PRKCA: variants seen among roughly 807,000 people sequenced by gnomAD.
PRKCA encodes protein kinase C alpha type.
Under a neutral mutation model 87.0 loss-of-function variants are expected in PRKCA, and 27 were observed. That is an observed-to-expected ratio of 0.31 (90% CI 0.23 to 0.43). PRKCA has a LOEUF of 0.43. Ranked by LOEUF, PRKCA falls within the 20% of genes least tolerant of loss-of-function variation. PRKCA has a pLI of 1.00. For missense variants in PRKCA, 518 were observed against 852.3 expected (o/e 0.61, Z 4.88); for synonymous variants, 329 against 311.1 (o/e 1.06, Z -0.61).
At chr17:66,611,276 A>G (rs227913) in intron 3 of PRKCA, among the ~76,000 whole-genome samples, 1 of 151,976 alleles carries the variant, frequency 6.6e-6, no homozygotes, top group Admixed American at 6.6e-5. Flanking sequence ...TACAAATGCT[A>G]CCATAATCTA....
intron 3 of PRKCA, among the ~76,000 whole-genome samples, chr17:66,563,388 C>T (rs1308846233): frequency 6.6e-6 from 1 of 152,152 alleles, no homozygotes; most frequent in African/African-American, 2.4e-5. Flanking sequence ...ATAGTTTTTC[C>T]TTTTCTGGAA....
At chr17:66,698,318 A>T (rs1232221958) in intron 8 of PRKCA, among the ~76,000 whole-genome samples, 3 of 152,242 alleles carry the variant, frequency 2.0e-5, no homozygotes, top group African/African-American at 7.2e-5. Flanking sequence ...AATTGTTTTA[A>T]GGAAGCTCAG....
chr17:66,358,856 A>T (rs539877812), intron 2 of PRKCA, among the ~76,000 whole-genome samples: 1 of 151,686 alleles, frequency 6.6e-6, no homozygotes, highest in African/African-American at 2.4e-5. Flanking sequence ...CTTGATTTCT[A>T]TGGTTACATA....
At chr17:66,385,613 G>A (rs1390921419) in intron 2 of PRKCA, among the ~76,000 whole-genome samples, 1 of 152,160 alleles carries the variant, frequency 6.6e-6, no homozygotes, top group Non-Finnish European at 1.5e-5. Context: ...TGGAATCCCA[G>A]CACTTTGAGA....
In PRKCA at chr17:66,700,831, G is replaced by A. The variant is rs969514103; in HGVS notation, c.918+11784G>A. Among the ~76,000 whole-genome samples the A allele has an allele frequency of 7.9e-5, 12 of 152,174 alleles. No individual in the cohort carries two copies. In the East Asian group the frequency reaches 2.1e-3, roughly 27 times the overall value. On this transcript the variant is annotated intron_variant, in intron 8 of 16. Coordinates refer to ENST00000413366, the MANE Select transcript of PRKCA (RefSeq NM_002737.3). ...AAATGGGAAGATATCGCCTGTTCCT[G>A]GATTGGAAGAATTAATATTGTCAAA...
chr17:66,305,341 G>A (rs1270191633), intron 1 of PRKCA, among the ~76,000 whole-genome samples: 1 of 152,182 alleles, frequency 6.6e-6, no homozygotes, highest in Admixed American at 6.5e-5. Flanking sequence ...AACATTCTAT[G>A]TGAAGCAAGA....
At chr17:66,536,053 T>C (rs1272808854) in intron 3 of PRKCA, among the ~76,000 whole-genome samples, 1 of 152,220 alleles carries the variant, frequency 6.6e-6, no homozygotes, top group Non-Finnish European at 1.5e-5. Context: ...TACTCATAAT[T>C]TCTGTTTCTT....
intron 2 of PRKCA, among the ~76,000 whole-genome samples, chr17:66,375,991 C>T (rs1909395375): frequency 6.6e-6 from 1 of 152,212 alleles, no homozygotes. Context: ...GATTTACAAT[C>T]TCAGCAAAGA....
intron 2 of PRKCA, among the ~76,000 whole-genome samples, chr17:66,387,508 T>G (rs2143619299): frequency 6.6e-6 from 1 of 152,324 alleles, no homozygotes; most frequent in Non-Finnish European, 1.5e-5. Flanking sequence ...TGGAGGCTCC[T>G]GATGGCTCAG....
chr17:66,321,571 C>T (rs1905663305), intron 2 of PRKCA, among the ~76,000 whole-genome samples: 1 of 152,062 alleles, frequency 6.6e-6, no homozygotes, highest in Non-Finnish European at 1.5e-5. Context: ...TTTTAGACAG[C>T]CTTGCTCTGT....
In PRKCA at chr17:66,807,584, A is replaced by T. The variant is rs996594385; in HGVS notation, c.*3547A>T. 6.6e-6 allele frequency: 1 copy of T among 152,248 alleles called. No individual in the cohort carries two copies. Among genetic ancestry groups the T allele is most frequent in the African/African-American group, 2.4e-5 (1 of 41,464 alleles). 9.4% of individuals were successfully genotyped at this position (152,248 alleles called of 1,614,324 possible). On this transcript the variant is annotated 3_prime_UTR_variant, in exon 17 of 17. Coordinates refer to ENST00000413366, the MANE Select transcript of PRKCA (RefSeq NM_002737.3). This position sits in a 1 kb window ranked among gnomAD's most constrained non-coding sequence, Gnocchi z 4.3. ...TCCACTGGCCTCGTGTGGTCCATGC[A>T]GGGCCACTGTCTGCCCTTTCTGATG...
In PRKCA at chr17:66,804,084, G is replaced by A. The variant is rs749367135; in HGVS notation, c.*47G>A. 1.1e-5 allele frequency: 18 copies of A among 1,573,100 alleles called. No individual in the cohort carries two copies. The highest frequency in any genetic ancestry group is 5.2e-5 in the Admixed American group (3 of 57,214). ...ACCTCCCCAGCCCCCAGCCCTCCCC[G>A]CAGTGGGAAGTGAATCCTTAACCCT... is the stretch of plus-strand genomic sequence containing the variant. On this transcript the variant is annotated 3_prime_UTR_variant, in exon 17 of 17. Coordinates refer to ENST00000413366, the MANE Select transcript of PRKCA (RefSeq NM_002737.3).
intron 13 of PRKCA, among the ~76,000 whole-genome samples, chr17:66,759,017 T>C (rs970124674): frequency 5.3e-5 from 8 of 152,172 alleles, no homozygotes; most frequent in Admixed American, 1.3e-4. Flanking sequence ...TATTTTGTTA[T>C]CATAGCTACT....
At position 66,302,664 on chromosome 17, in the gene PRKCA, C is replaced by T. The variant is rs61762373; in HGVS notation, c.-188C>T. The T allele has an allele frequency of 0.015, 2,915 of 199,444 alleles. 83 individuals carry two copies. Among genetic ancestry groups the T allele is most frequent in the African/African-American group, 0.066 (2,741 of 41,820 alleles). The allele number at this position is 199,444 out of a possible 1,614,324, so 12.4% of individuals were successfully genotyped here. ...AGCCAGCGGCTCCGGCTCCCGCTCC[C>T]GCTCCGCGCAGCACCAGCCCGACTC... On this transcript the variant is annotated 5_prime_UTR_variant, in exon 1 of 17. Coordinates refer to ENST00000413366, the MANE Select transcript of PRKCA (RefSeq NM_002737.3).
intron 3 of PRKCA, among the ~76,000 whole-genome samples, chr17:66,515,396 C>G (rs1598734704): frequency 6.6e-6 from 1 of 152,060 alleles, no homozygotes; most frequent in South Asian, 2.1e-4. Flanking sequence ...TTTCAATGCT[C>G]CTATTGCTGT....
At chr17:66,349,472 C>T (rs562033532) in intron 2 of PRKCA, among the ~76,000 whole-genome samples, 234 of 151,816 alleles carry the variant, frequency 1.5e-3, no homozygotes, top group African/African-American at 3.6e-3. Flanking sequence ...GGAGCTGTTC[C>T]GCAGTAGAGG....
At chr17:66,780,276 A>G (rs192668648) in intron 14 of PRKCA, among the ~76,000 whole-genome samples, 225 of 152,330 alleles carry the variant, frequency 1.5e-3, no homozygotes, top group African/African-American at 5.3e-3. Flanking sequence ...ATGACGCATC[A>G]CCTCAATGGC....
chr17:66,511,144 G>A (rs1447209875), intron 3 of PRKCA, among the ~76,000 whole-genome samples: 1 of 152,064 alleles, frequency 6.6e-6, no homozygotes, highest in African/African-American at 2.4e-5. Flanking sequence ...GCACTTCCAA[G>A]TCCCAAGCCT....
intron 2 of PRKCA, among the ~76,000 whole-genome samples, chr17:66,453,265 C>G (rs1307405408): frequency 1.3e-4 from 20 of 152,044 alleles, no homozygotes; most frequent in Admixed American, 1.3e-3. Flanking sequence ...ACCCATGTGC[C>G]CTCGTACAGA....
Sources: gnomAD v4.1 joint callset for allele counts (sites outside exome capture counted in the v4.1 genomes callset) on GRCh38, gnomAD v4.1.1 for gene constraint, Gnocchi (gnomAD v3.1) non-coding constraint, MANE v1.5 for transcripts, NCBI Gene and HGNC (gene_info 2026-07-23, HGNC 2026-07-21) for gene names.